Variants in NT5DC1 observed in about 807,000 individuals in gnomAD.
NT5DC1 encodes 5'-nucleotidase domain-containing protein 1.
NT5DC1 carries 42 observed loss-of-function variants against 59.4 expected under a neutral mutation model. The ratio of observed to expected loss-of-function variants is 0.71; its 90% CI spans 0.55 to 0.92. The LOEUF (loss-of-function observed/expected upper bound fraction) is 0.92, where lower values mean the gene tolerates loss of function less well. Among genes scored for constraint, NT5DC1 ranks in the 40% least tolerant of loss-of-function variants. The pLI is 0.00. For missense variants in NT5DC1, 501 were observed against 537.1 expected (o/e 0.93, Z 0.66); for synonymous variants, 172 against 188.1 (o/e 0.91, Z 0.70).
At chr6:116,208,317 G>A (rs1490146790) in intron 6 of NT5DC1, among the ~76,000 whole-genome samples, 6 of 151,950 alleles carry the variant, frequency 3.9e-5, no homozygotes, top group Non-Finnish European at 8.8e-5. Flanking sequence ...TTCAAGTAAG[G>A]ATAATGTCAG....
intron 8 of NT5DC1, among the ~76,000 whole-genome samples, chr6:116,230,920 G>C (rs1275517511): frequency 6.6e-6 from 1 of 151,940 alleles, no homozygotes; most frequent in East Asian, 1.9e-4. Context: ...ATCCATCAGC[G>C]AACTAGTCAA....
intron 6 of NT5DC1, among the ~76,000 whole-genome samples, chr6:116,165,854 T>G (rs1402047561): frequency 2.0e-5 from 3 of 152,234 alleles, no homozygotes; most frequent in African/African-American, 7.2e-5. Context: ...TGCAGGGTAC[T>G]GGTGATTGCA....
intron 4 of NT5DC1, among the ~76,000 whole-genome samples, chr6:116,111,667 G>A (rs1672236583): frequency 6.6e-6 from 1 of 152,132 alleles, no homozygotes; most frequent in African/African-American, 2.4e-5. Flanking sequence ...ATAGTAACCT[G>A]AAAATAGTTG....
intron 6 of NT5DC1, among the ~76,000 whole-genome samples, chr6:116,204,168 ACT>A (rs1435487174): frequency 6.6e-6 from 1 of 151,814 alleles, no homozygotes; most frequent in Non-Finnish European, 1.5e-5. Flanking sequence ...GGTAAGAAAC[ACT>A]TCAGGAGTTA....
At chr6:116,188,857 A>G (rs1214166092) in intron 6 of NT5DC1, among the ~76,000 whole-genome samples, 2 of 151,894 alleles carry the variant, frequency 1.3e-5, no homozygotes, top group East Asian at 1.9e-4. Context: ...GAGAAGGCCT[A>G]TTTCATAGCT....
Position 116,238,997 on chromosome 6 carries a change from G to A in NT5DC1, c.1126G>A (p.Gly376Ser), listed in dbSNP as rs1418498250. Residue 376 changes from glycine to serine, a missense_variant, in exon 11 of 12, where the codon GGC (glycine) becomes AGC (serine). Physicochemically the swap from Gly to Ser is moderately conservative, Grantham distance 56. Coordinates refer to ENST00000319550, the MANE Select transcript of NT5DC1 (RefSeq NM_152729.3). Reference sequence around the variant, plus strand: ...TTTAAATACTTCATCTAAAAAATGGGGCTCTTTTTTTATTGATTCAGTTTT... The same window carrying A: ...TTTAAATACTTCATCTAAAAAATGGAGCTCTTTTTTTATTGATTCAGTTTT... Reference protein sequence around the residue: ...KPLNTSSKKWGSFFIDSVLGL... With the variant: ...KPLNTSSKKWSSFFIDSVLGL... 15 of 1,608,222 alleles carry A rather than the reference G, an allele frequency of 9.3e-6. No homozygotes were observed. Among genetic ancestry groups the A allele is most frequent in the Non-Finnish European group, 1.3e-5 (15 of 1,175,094 alleles).
chr6:116,203,603 C>T (rs1330733264), intron 6 of NT5DC1, among the ~76,000 whole-genome samples: 1 of 151,886 alleles, frequency 6.6e-6, no homozygotes. Flanking sequence ...AACTACACCA[C>T]ATTTTATTTA....
chr6:116,143,522 CTT>C (rs1250801203), intron 6 of NT5DC1, among the ~76,000 whole-genome samples: 1 of 152,100 alleles, frequency 6.6e-6, no homozygotes, highest in Admixed American at 6.6e-5. Context: ...TTTCCCACCT[CTT>C]TAATTGTTTT....
chr6:116,132,612 GT>G (rs1779497094), intron 6 of NT5DC1, among the ~76,000 whole-genome samples: 1 of 152,086 alleles, frequency 6.6e-6, no homozygotes, highest in Non-Finnish European at 1.5e-5. Context: ...AAGGAAACTA[GT>G]TTATTATGCA....
At chr6:116,103,048 T>C (rs1778694663) in intron 1 of NT5DC1, among the ~76,000 whole-genome samples, 1 of 152,192 alleles carries the variant, frequency 6.6e-6, no homozygotes, top group Non-Finnish European at 1.5e-5. Flanking sequence ...CCTTCATTCC[T>C]CATAGCACAT....
At position 116,219,959 on chromosome 6, in the gene NT5DC1, C is replaced by T. The variant is rs576848341; in HGVS notation, c.530-1095C>T. Among the ~76,000 whole-genome samples, 7 of 74,166 alleles carry T rather than the reference C, an allele frequency of 9.4e-5. No individual in the cohort carries two copies. The South Asian group carries it at 3.3e-3, about 35-fold the overall frequency. 48.7% of individuals were successfully genotyped at this position (74,166 alleles called of 152,430 possible). On this transcript the variant is annotated intron_variant, in intron 6 of 11. Coordinates refer to ENST00000319550, the MANE Select transcript of NT5DC1 (RefSeq NM_152729.3). ...GCTTGGTGACAGAGTGAGACTCTGT[C>T]TCAAAAAAAAAAAAAAAAAAAAAAA...
chr6:116,111,797 T>C (rs1262158780), intron 4 of NT5DC1, among the ~76,000 whole-genome samples: 2 of 152,224 alleles, frequency 1.3e-5, no homozygotes, highest in Admixed American at 1.3e-4. Context: ...ATGAGTGCTC[T>C]TGATAAAATT....
chr6:116,172,421 A>G (rs1424817436), intron 6 of NT5DC1, among the ~76,000 whole-genome samples: 1 of 147,046 alleles, frequency 6.8e-6, no homozygotes, highest in East Asian at 2.0e-4. Flanking sequence ...TCCCGGGTTC[A>G]GGCAATTCTC....
At chr6:116,126,272 G>T (rs1779306947) in intron 6 of NT5DC1, 1 of 152,074 alleles carries the variant, frequency 6.6e-6, no homozygotes, top group African/African-American at 2.4e-5. Context: ...CACAAGATCG[G>T]GCTGGGCTCT....
chr6:116,195,361 T>G (rs1005477880), intron 6 of NT5DC1, among the ~76,000 whole-genome samples: 3 of 152,124 alleles, frequency 2.0e-5, no homozygotes, highest in African/African-American at 7.2e-5. Context: ...AACACCATTT[T>G]CTGTATTTTT....
intron 6 of NT5DC1, among the ~76,000 whole-genome samples, chr6:116,192,437 G>A (rs995754288): frequency 1.3e-5 from 2 of 151,950 alleles, no homozygotes; most frequent in Non-Finnish European, 2.9e-5. Flanking sequence ...TTTAAAAAGA[G>A]AAAATTAGTA....
chr6:116,159,145 C>G (rs74358672), intron 6 of NT5DC1, among the ~76,000 whole-genome samples: 15 of 152,020 alleles, frequency 9.9e-5, no homozygotes, highest in Non-Finnish European at 1.9e-4. Flanking sequence ...TGCCATTGCT[C>G]TGGGATCAAT....
At chr6:116,194,834 T>G (rs1377564688) in intron 6 of NT5DC1, among the ~76,000 whole-genome samples, 1 of 152,060 alleles carries the variant, frequency 6.6e-6, no homozygotes, top group Non-Finnish European at 1.5e-5. Context: ...TTTTCTATTA[T>G]AAGACACTCT....
At chr6:116,182,917 G>T (rs1286622451) in intron 6 of NT5DC1, among the ~76,000 whole-genome samples, 1 of 151,990 alleles carries the variant, frequency 6.6e-6, no homozygotes, top group African/African-American at 2.4e-5. Flanking sequence ...TGTTGAATTT[G>T]CTTTTGAGTT....
Sources: allele counts gnomAD v4.1 joint callset (sites outside exome capture counted in the v4.1 genomes callset), GRCh38; gene constraint gnomAD v4.1.1; transcripts MANE v1.5; gene names NCBI Gene and HGNC (gene_info 2026-07-23, HGNC 2026-07-21).